Variants in CHLSN observed in about 807,000 individuals in gnomAD.
CHLSN encodes the protein protein cholesin.
the CHLSN span, among the ~76,000 whole-genome samples, chr7:1,133,108 G>A: frequency 3.9e-5 from 6 of 152,148 alleles, no homozygotes; most frequent in East Asian, 1.9e-4. Flanking sequence ...AGCCACCAGA[G>A]GAAATGGGAT....
the CHLSN span, among the ~76,000 whole-genome samples, chr7:1,136,391 T>TATATAATATATATAAAC: frequency 0.029 from 843 of 28,716 alleles, 31 homozygotes; most frequent in African/African-American, 0.058. Context: ...TATATAAACA[T>TATATAATATATATAAAC]ATATATAAAT....
chr7:1,058,778 T>A, the CHLSN span: 1 of 500,228 alleles, frequency 2.0e-6, no homozygotes, highest in Non-Finnish European at 3.6e-6. Flanking sequence ...CGCAAAAGCC[T>A]CCTCGCCTTC....
the CHLSN span, among the ~76,000 whole-genome samples, chr7:1,044,913 C>T: frequency 6.6e-6 from 1 of 152,386 alleles, no homozygotes; most frequent in Non-Finnish European, 1.5e-5. Flanking sequence ...GCTGAATCTG[C>T]TGCTGGCGTA....
chr7:1,068,922 C>T, the CHLSN span, among the ~76,000 whole-genome samples: 1 of 152,206 alleles, frequency 6.6e-6, no homozygotes, highest in Non-Finnish European at 1.5e-5. Flanking sequence ...CCCCAGAGTA[C>T]TCAGCCTGTG....
At chr7:1,002,269 A>C in the CHLSN span, among the ~76,000 whole-genome samples, 1 of 102,580 alleles carries the variant, frequency 9.7e-6, no homozygotes, top group African/African-American at 4.1e-5. Flanking sequence ...GGGTGAGTGG[A>C]GCCCTGTGGG....
chr7:1,028,234 C>T, the CHLSN span: 4 of 1,086,098 alleles, frequency 3.7e-6, no homozygotes, highest in Middle Eastern at 4.4e-4. Context: ...AGCCCGAATG[C>T]GGGCCCTGGC....
At chr7:1,054,467 G>A in the CHLSN span, among the ~76,000 whole-genome samples, 1 of 152,372 alleles carries the variant, frequency 6.6e-6, no homozygotes, top group South Asian at 2.1e-4. Context: ...CCCGGCTGGG[G>A]TGACAGCACG....
chr7:988,175 G>A, the CHLSN span: 1 of 1,344,614 alleles, frequency 7.4e-7, no homozygotes, highest in Non-Finnish European at 1.0e-6. Flanking sequence ...ACCAGGTGTG[G>A]TGGGTGTGGC....
the CHLSN span, among the ~76,000 whole-genome samples, chr7:1,112,345 G>C: frequency 6.6e-6 from 1 of 152,188 alleles, no homozygotes; most frequent in East Asian, 1.9e-4. Context: ...GAGGCCGGCC[G>C]GGAGCCCAGT....
At chr7:1,004,647 C>A in the CHLSN span, among the ~76,000 whole-genome samples, 6 of 152,244 alleles carry the variant, frequency 3.9e-5, no homozygotes, top group East Asian at 1.2e-3. Flanking sequence ...GTGGGGTGCT[C>A]AGTGTCGCCT....
the CHLSN span, chr7:988,563 GGGAGGTC>G: frequency 6.3e-7 from 1 of 1,598,802 alleles, no homozygotes; most frequent in Middle Eastern, 1.7e-4. Context: ...TGCTCCCCTG[GGGAGGTC>G]CCCACCCCTC....
chr7:1,131,288 A>C, the CHLSN span, among the ~76,000 whole-genome samples: 1 of 151,866 alleles, frequency 6.6e-6, no homozygotes, highest in Non-Finnish European at 1.5e-5. Flanking sequence ...GCCTGGCAGC[A>C]TTGAGCCCAC....
At chr7:997,517 A>G in the CHLSN span, 1 of 1,018,550 alleles carries the variant, frequency 9.8e-7, no homozygotes, top group Non-Finnish European at 1.3e-6. Flanking sequence ...GCCCTTGCTC[A>G]GCCGCTGCCC....
the CHLSN span, among the ~76,000 whole-genome samples, chr7:1,118,757 T>C: frequency 7.6e-6 from 1 of 131,188 alleles, no homozygotes; most frequent in Non-Finnish European, 1.6e-5. Context: ...AGCCCAGGAG[T>C]TTGAGACCAC....
chr7:1,118,116 C>T, the CHLSN span, among the ~76,000 whole-genome samples: 6 of 152,324 alleles, frequency 3.9e-5, no homozygotes, highest in South Asian at 4.1e-4. Flanking sequence ...AACGCTTACC[C>T]AGCAAAAATA....
At chr7:1,117,626 A>T in the CHLSN span, among the ~76,000 whole-genome samples, 13 of 137,630 alleles carry the variant, frequency 9.4e-5, no homozygotes, top group East Asian at 1.9e-3. Context: ...ACGCAGGATG[A>T]TGACATCACT....
the CHLSN span, among the ~76,000 whole-genome samples, chr7:984,108 A>C: frequency 3.0e-4 from 46 of 152,286 alleles, no homozygotes; most frequent in Admixed American, 1.9e-3. Context: ...ACCCCAGCAG[A>C]CAGCCAGCCC....
chr7:982,637 C>T, the CHLSN span, among the ~76,000 whole-genome samples: 3 of 152,370 alleles, frequency 2.0e-5, no homozygotes, highest in African/African-American at 7.2e-5. Flanking sequence ...AGGTGGTGGC[C>T]TGTGAGGACT....
the CHLSN span, chr7:1,138,210 T>TG: frequency 1.8e-5 from 1 of 55,400 alleles, no homozygotes; most frequent in African/African-American, 1.4e-4. Flanking sequence ...TGCGCCCACG[T>TG]CGCCCACCTA....
Sources: allele counts gnomAD v4.1 joint callset (sites outside exome capture counted in the v4.1 genomes callset), GRCh38; gene constraint gnomAD v4.1.1; transcripts MANE v1.5; gene names NCBI Gene and HGNC (gene_info 2026-07-23, HGNC 2026-07-21).